Variants in BMPR1B observed in about 807,000 individuals in gnomAD.
BMPR1B encodes bone morphogenetic protein receptor type 1B.
Under a neutral mutation model 59.1 loss-of-function variants are expected in BMPR1B, and 12 were observed. The observed-to-expected ratio is 0.20, with a 90% CI of 0.13 to 0.33. The LOEUF (loss-of-function observed/expected upper bound fraction) is 0.33. Among genes scored for constraint, BMPR1B ranks in the 10% least tolerant of loss-of-function variants. BMPR1B has a pLI of 1.00. For synonymous variants in BMPR1B, 237 were observed against 207.3 expected, an observed-to-expected ratio of 1.14 and a Z score of -1.23; for missense variants, 550 against 610.9, an observed-to-expected ratio of 0.90 and a Z score of 1.05.
intron 3 of BMPR1B, among the ~76,000 whole-genome samples, chr4:95,095,205 G>A (rs1480549830): frequency 1.3e-5 from 2 of 152,002 alleles, no homozygotes; most frequent in African/African-American, 4.8e-5. Context: ...CAAGGTTTAA[G>A]TGTTGAAAAT....
At chr4:94,816,339 T>C (rs1724010660) in intron 1 of BMPR1B, among the ~76,000 whole-genome samples, 1 of 152,154 alleles carries the variant, frequency 6.6e-6, no homozygotes, top group Non-Finnish European at 1.5e-5. Flanking sequence ...TTTTCTTTTT[T>C]GTATTTTTAG....
intron 2 of BMPR1B, among the ~76,000 whole-genome samples, chr4:94,921,689 C>T (rs942074418): frequency 6.6e-6 from 1 of 152,056 alleles, no homozygotes; most frequent in African/African-American, 2.4e-5. Flanking sequence ...GCCCCATCTC[C>T]AATATTAGGC....
intron 10 of BMPR1B, among the ~76,000 whole-genome samples, chr4:95,146,148 T>C (rs1734626892): frequency 6.6e-6 from 1 of 152,112 alleles, no homozygotes. Flanking sequence ...CTTACTCAAA[T>C]GTTACTAGGG....
intron 3 of BMPR1B, among the ~76,000 whole-genome samples, chr4:95,053,281 T>TTGTGTGTGCGTG (rs1726646837): frequency 7.4e-6 from 1 of 134,252 alleles, no homozygotes; most frequent in Non-Finnish European, 1.6e-5. Flanking sequence ...TGCAGGGCAC[T>TTGTGTGTGCGTG]TGTGTGTGTG....
intron 2 of BMPR1B, among the ~76,000 whole-genome samples, chr4:94,944,004 G>T (rs1459012046): frequency 6.6e-6 from 1 of 151,904 alleles, no homozygotes; most frequent in East Asian, 1.9e-4. Flanking sequence ...ACCACAAAGT[G>T]GAAAATTTCA....
intron 2 of BMPR1B, among the ~76,000 whole-genome samples, chr4:94,917,513 G>T (rs1389816815): frequency 6.6e-6 from 1 of 152,200 alleles, no homozygotes; most frequent in Non-Finnish European, 1.5e-5. Flanking sequence ...TTTAACGACT[G>T]CCCTGCTGGG....
intron 2 of BMPR1B, among the ~76,000 whole-genome samples, chr4:94,964,511 C>CTCAACAATGTTGA (rs1292796589): frequency 6.6e-5 from 10 of 152,100 alleles, no homozygotes; most frequent in African/African-American, 2.4e-4. Context: ...TAGCACATAA[C>CTCAACAATGTTGA]TCAACAATGT....
rs574454561 is a variant in BMPR1B at position 95,090,326 on chromosome 4, G to T, written c.-17-14082G>T. On this transcript the variant is annotated intron_variant, in intron 3 of 12. Transcript: ENST00000515059. ...AAAAATTATATTTACATTTTGAATT[G>T]ATATATTTTCTTCATTTCAGCTCTT... Among the ~76,000 whole-genome samples the T allele has an allele frequency of 3.6e-3, 541 of 151,560 alleles. 2 individuals are homozygous for T. The highest frequency in any genetic ancestry group is 0.011 in the African/African-American group (456 of 41,418).
rs192543913 is a variant in BMPR1B, at chr4:94,825,796, A to G, written c.-182-50035A>G. ...AAGAAAATGGATTGCATTGCAGTCT[A>G]TTTTTCTGAATGGAAATAGTTTTAT... is the stretch of plus-strand genomic sequence containing the variant. On this transcript the variant is annotated intron_variant, in intron 1 of 12. Coordinates refer to ENST00000515059, the MANE Select transcript of BMPR1B (RefSeq NM_001203.3). Among the ~76,000 whole-genome samples the G allele has an allele frequency of 2.9e-4, 44 of 152,272 alleles. No homozygotes were observed. In the East Asian group the frequency reaches 4.2e-3, roughly 15 times the overall value.
chr4:95,031,198 T>A (rs143427303), intron 3 of BMPR1B, among the ~76,000 whole-genome samples: 46 of 152,280 alleles, frequency 3.0e-4, no homozygotes, highest in Non-Finnish European at 5.9e-4. Context: ...ATTTTCTTAA[T>A]CTATATATCT....
intron 2 of BMPR1B, among the ~76,000 whole-genome samples, chr4:94,911,980 T>A (rs1728290469): frequency 6.6e-6 from 1 of 152,128 alleles, no homozygotes; most frequent in Non-Finnish European, 1.5e-5. Flanking sequence ...AGAAAGAGGT[T>A]TAATTGGACT....
At chr4:94,837,666 A>G (rs1437345089) in intron 1 of BMPR1B, among the ~76,000 whole-genome samples, 14 of 131,114 alleles carry the variant, frequency 1.1e-4, no homozygotes, top group Admixed American at 2.2e-4. Context: ...GGGCTGAGAC[A>G]GTGGGGTTTT....
chr4:94,919,382 A>G (rs1380940611), intron 2 of BMPR1B, among the ~76,000 whole-genome samples: 3 of 152,178 alleles, frequency 2.0e-5, no homozygotes, highest in East Asian at 1.9e-4. Flanking sequence ...ATTATAATCC[A>G]ACATGGATGC....
intron 1 of BMPR1B, among the ~76,000 whole-genome samples, chr4:94,777,459 A>G (rs1394029770): frequency 6.6e-6 from 1 of 152,198 alleles, no homozygotes; most frequent in Non-Finnish European, 1.5e-5. Context: ...AAGAAATGCA[A>G]ATTAACCCTA....
intron 3 of BMPR1B, among the ~76,000 whole-genome samples, chr4:95,063,368 T>C (rs878977182): frequency 5.3e-5 from 8 of 152,188 alleles, no homozygotes; most frequent in Non-Finnish European, 7.4e-5. Context: ...AAAATACTTA[T>C]GGTTTTACAG....
At chr4:94,955,639 T>TTTTTTTTG (rs949770936) in intron 2 of BMPR1B, among the ~76,000 whole-genome samples, 7 of 151,532 alleles carry the variant, frequency 4.6e-5, no homozygotes, top group Non-Finnish European at 1.0e-4. Flanking sequence ...ATTTAATTCT[T>TTTTTTTTG]TTTTTTTAAA....
At chr4:94,892,893 A>AGT (rs1727453216) in intron 2 of BMPR1B, among the ~76,000 whole-genome samples, 2 of 152,070 alleles carry the variant, frequency 1.3e-5, no homozygotes, top group African/African-American at 4.8e-5. Flanking sequence ...GAAATGTGGG[A>AGT]TAACGAACTT....
At chr4:94,951,100 T>C (rs545117965) in intron 2 of BMPR1B, among the ~76,000 whole-genome samples, 1 of 152,190 alleles carries the variant, frequency 6.6e-6, no homozygotes, top group African/African-American at 2.4e-5. Context: ...ATAGGAATGC[T>C]TGTGATTATT....
At chr4:95,140,378 T>C (rs1310480383) in intron 10 of BMPR1B, among the ~76,000 whole-genome samples, 1 of 152,202 alleles carries the variant, frequency 6.6e-6, no homozygotes, top group African/African-American at 2.4e-5. Flanking sequence ...TTTCTAATCT[T>C]ACATTCTACA....
Sources: gnomAD v4.1 joint callset for allele counts (sites outside exome capture counted in the v4.1 genomes callset) on GRCh38, gnomAD v4.1.1 for gene constraint, MANE v1.5 for transcripts, NCBI Gene and HGNC (gene_info 2026-07-23, HGNC 2026-07-21) for gene names.